TNFSF18: variants seen among roughly 807,000 people sequenced by gnomAD.
TNFSF18 encodes tumor necrosis factor ligand superfamily member 18.
In TNFSF18, 6 loss-of-function variants were observed where a neutral mutation model predicts 9.6. That is an observed-to-expected ratio of 0.63 (90% confidence interval 0.34 to 1.24). The LOEUF (loss-of-function observed/expected upper bound fraction) is 1.24. TNFSF18 is among the 50% of genes most tolerant of loss of function. The pLI is 0.03. For synonymous variants in TNFSF18, 68 were observed against 71.7 expected, an observed-to-expected ratio of 0.95 and a Z score of 0.26; for missense variants, 210 against 201.0, an observed-to-expected ratio of 1.04 and a Z score of -0.27.
At chr1:173,050,310 C>G (rs2101929228) in intron 1 of TNFSF18, among the ~76,000 whole-genome samples, 1 of 152,282 alleles carries the variant, frequency 6.6e-6, no homozygotes, top group Admixed American at 6.5e-5. Flanking sequence ...CAAAGACACA[C>G]AAACCACCTG....
intron 2 of TNFSF18, 81 bp from the exon 3 acceptor site, chr1:173,041,794 AT>A: frequency 2.3e-6 from 3 of 1,303,046 alleles, no homozygotes; most frequent in Non-Finnish European, 2.1e-6. Flanking sequence ...GTAGTTAATT[AT>A]TTACCACATA....
chr1:173,043,405 G>C lies in TNFSF18; in HGVS notation c.187+534C>G, dbSNP rs376451407. The stretch of plus-strand genomic sequence containing the variant: ...CTAAGGCTCAGTGTAACTGTAAACT[G>C]GTGTGTTTTCTAAGCAAATATCAGG... On this transcript the variant is annotated intron_variant, in intron 2 of 2. Transcript: ENST00000404377. 2.2e-4 allele frequency among the ~76,000 whole-genome samples: 34 copies of C among 152,232 alleles called. 1 individual carries two copies. The highest frequency in any genetic ancestry group is 7.9e-4 in the African/African-American group (33 of 41,570).
intron 1 of TNFSF18, 99 bp from the exon 2 acceptor site, chr1:173,044,068 G>A: frequency 8.9e-7 from 1 of 1,120,222 alleles, no homozygotes; most frequent in Admixed American, 1.7e-5. Flanking sequence ...AAGCAAACTA[G>A]TGTTCTATAA....
At chr1:173,045,585 G>GA (rs1039339474) in intron 1 of TNFSF18, among the ~76,000 whole-genome samples, 9 of 152,064 alleles carry the variant, frequency 5.9e-5, no homozygotes, top group Admixed American at 2.0e-4. Flanking sequence ...AGGGAGAGCA[G>GA]AAAAAAATGA....
Position 173,041,580 on chromosome 1 carries a change from G to A in TNFSF18, c.321C>T (p.Tyr107=), listed in dbSNP as rs1205163988. Residue 107 remains tyrosine (Y), a synonymous_variant, in exon 3 of 3, where the codon TAC becomes TAT. Transcript: ENST00000404377. ...GCACCTCAAAAGGAGCTACATCATT[G>A]TAGTTTGCATTGGGAGCCACTTGGC... is the stretch of plus-strand genomic sequence containing the variant. ...IYGQVAPNAN[Y]NDVAPFEVRL... 2 of 1,613,572 alleles carry A rather than the reference G, an allele frequency of 1.2e-6. No individual in the cohort carries two copies. Among genetic ancestry groups the A allele is most frequent in the Non-Finnish European group, 1.7e-6 (2 of 1,179,642 alleles).
rs999312070 is a variant in TNFSF18, at chr1:173,040,886, G to T, written c.*481C>A. The T allele has an allele frequency of 2.6e-5, 4 of 152,930 alleles. No individual in the cohort carries two copies. Among genetic ancestry groups the T allele is most frequent in the African/African-American group, 9.7e-5 (4 of 41,434 alleles). The allele number at this position is 152,930 out of a possible 1,614,324, so 9.5% of individuals were successfully genotyped here. On this transcript the variant is annotated 3_prime_UTR_variant, in exon 3 of 3. Coordinates refer to ENST00000404377, the MANE Select transcript of TNFSF18 (RefSeq NM_005092.4). ...CTAACACCACCATATCTAAAGTAGGGTATGGTAGGCATATCTGTGGCCATC... is the reference window on the plus strand; with the variant it reads ...CTAACACCACCATATCTAAAGTAGGTTATGGTAGGCATATCTGTGGCCATC...
chr1:173,040,501 T>C lies in TNFSF18; in HGVS notation c.*866A>G, dbSNP rs1664972061. ...AATTTTCCCCCAAATGCCTGCCCAA[T>C]TAACTTCATAGAATTGCTAACTGTT... On this transcript the variant is annotated 3_prime_UTR_variant, in exon 3 of 3. Coordinates refer to ENST00000404377, the MANE Select transcript of TNFSF18 (RefSeq NM_005092.4). 1 of 152,160 alleles carries C rather than the reference T, an allele frequency of 6.6e-6. No individual in the cohort carries two copies. The highest frequency in any genetic ancestry group is 2.1e-4 in the South Asian group (1 of 4,832). 9.4% of individuals were successfully genotyped at this position (152,160 alleles called of 1,614,324 possible).
chr1:173,042,541 T>G (rs1179338361), intron 2 of TNFSF18, among the ~76,000 whole-genome samples: 2 of 152,150 alleles, frequency 1.3e-5, no homozygotes, highest in African/African-American at 4.8e-5. Flanking sequence ...TGTAAATTTA[T>G]GAGTTTATAA....
At chr1:173,043,191 C>A (rs2101926402) in intron 2 of TNFSF18, among the ~76,000 whole-genome samples, 1 of 152,134 alleles carries the variant, frequency 6.6e-6, no homozygotes, top group South Asian at 2.1e-4. Flanking sequence ...AAGAGACAGG[C>A]AAAAGGACAT....
rs1664975548 is a variant in TNFSF18, at chr1:173,040,697, A to C, written c.*670T>G. On this transcript the variant is annotated 3_prime_UTR_variant, in exon 3 of 3. Coordinates refer to ENST00000404377, the MANE Select transcript of TNFSF18 (RefSeq NM_005092.4). ...ACACACACACCAACAGTAAGGTCTCACAAAGCTCTACGTGAGGGTTCGGAA... is the reference window on the plus strand; with the variant it reads ...ACACACACACCAACAGTAAGGTCTCCCAAAGCTCTACGTGAGGGTTCGGAA... 2 of 152,166 alleles carry C rather than the reference A, an allele frequency of 1.3e-5. No homozygotes were observed. Among genetic ancestry groups the C allele is most frequent in the African/African-American group, 2.4e-5 (1 of 41,450 alleles). 9.4% of individuals were successfully genotyped at this position (152,166 alleles called of 1,614,324 possible).
Position 173,041,481 on chromosome 1 carries a change from A to C in TNFSF18, c.420T>G (p.Tyr140Ter), listed in dbSNP as rs963523664. 1 of 1,613,612 alleles carries C rather than the reference A, an allele frequency of 6.2e-7. No homozygotes were observed. Among genetic ancestry groups the C allele is most frequent in the Non-Finnish European group, 8.5e-7 (1 of 1,179,630 alleles). ...KSKIQNVGGT[Y>*]ELHVGDTIDL... ...CTATGGTGTCCCCAACATGCAATTC[A>C]TAAGTCCCTCCTACATTTTGGATTT... The change falls in exon 3 of 3, where the codon TAT becomes TAG. Residue 140 changes from tyrosine to a stop codon, truncating the protein, a stop_gained. Transcript: ENST00000404377. LOFTEE classifies it low-confidence loss of function (END_TRUNC).
In TNFSF18 at chr1:173,041,560, T is replaced by G; in HGVS notation, c.341A>C (p.Glu114Ala). The G allele has an allele frequency of 1.2e-6, 2 of 1,613,552 alleles. No individual in the cohort carries two copies. The highest frequency in any genetic ancestry group is 1.7e-6 in the Non-Finnish European group (2 of 1,179,638). The part of the protein sequence containing the change: ...NANYNDVAPF[E>A]VRLYKNKDMI... ...GTCTTTGTTTTTATACAGCCGCACCTCAAAAGGAGCTACATCATTGTAGTT... is the reference window on the plus strand; with the variant it reads ...GTCTTTGTTTTTATACAGCCGCACCGCAAAAGGAGCTACATCATTGTAGTT... Residue 114 changes from glutamate (E) to alanine (A), a missense_variant, in exon 3 of 3, where the codon GAG becomes GCG. Physicochemically the swap from Glu to Ala is moderately radical, Grantham distance 107. Coordinates refer to ENST00000404377, the MANE Select transcript of TNFSF18 (RefSeq NM_005092.4).
intron 2 of TNFSF18, among the ~76,000 whole-genome samples, chr1:173,043,450 C>T (rs1665023738): frequency 6.6e-6 from 1 of 152,118 alleles, no homozygotes; most frequent in Non-Finnish European, 1.5e-5. Flanking sequence ...GGGAAAATGA[C>T]TCAGAAGCTA....
chr1:173,046,436 C>T (rs868730342), intron 1 of TNFSF18, among the ~76,000 whole-genome samples: 2 of 151,996 alleles, frequency 1.3e-5, no homozygotes, highest in African/African-American at 2.4e-5. Context: ...ATTTGTTTGT[C>T]GGGTAATTTT....
chr1:173,042,254 T>C (rs1207639609), intron 2 of TNFSF18, among the ~76,000 whole-genome samples: 1 of 152,196 alleles, frequency 6.6e-6, no homozygotes, highest in Non-Finnish European at 1.5e-5. Flanking sequence ...ATAAACTAAA[T>C]TGTTCATTTG....
chr1:173,043,246 A>G (rs1665020516), intron 2 of TNFSF18, among the ~76,000 whole-genome samples: 1 of 152,134 alleles, frequency 6.6e-6, no homozygotes. Flanking sequence ...TTTAAACTAT[A>G]TAGGAACACA....
rs781055787 is a variant in TNFSF18 at position 173,046,268 on chromosome 1, G to A, written c.157-2299C>T. 7.9e-5 allele frequency among the ~76,000 whole-genome samples: 12 copies of A among 152,208 alleles called. No homozygotes were observed. In the East Asian group the frequency reaches 1.5e-3, roughly 20 times the overall value. ...ATAATGAAGATAGAGAGAAGCAAGT[G>A]AGTGAGTTTATGCGAGGGAGGTGTT... On this transcript the variant is annotated intron_variant, in intron 1 of 2. Transcript: ENST00000404377.
intron 1 of TNFSF18, among the ~76,000 whole-genome samples, chr1:173,044,466 A>C (rs190603165): frequency 1.6e-4 from 24 of 152,314 alleles, no homozygotes; most frequent in Admixed American, 2.0e-4. Context: ...AGATAACTAC[A>C]TGTCATATAC....
rs762130391 is a variant in TNFSF18, at chr1:173,043,890, T to C, written c.187+49A>G. 2.6e-6 allele frequency: 4 copies of C among 1,525,768 alleles called. No individual in the cohort carries two copies. The Admixed American group carries it at 5.0e-5, about 19-fold the overall frequency. 94.5% of individuals were successfully genotyped at this position (1,525,768 alleles called of 1,614,324 possible). A position where few individuals can be genotyped will look rare whatever the true frequency, so the allele number is the denominator to read the frequency against. ...TTGAGATCACTGACACCTGCCTTCTTGCATCAAAAACTAAGAAAAGTAAAA... is the reference window on the plus strand; with the variant it reads ...TTGAGATCACTGACACCTGCCTTCTCGCATCAAAAACTAAGAAAAGTAAAA... On this transcript the variant is annotated intron_variant, in intron 2 of 2. Transcript: ENST00000404377.
Sources: gnomAD v4.1 joint callset for allele counts (sites outside exome capture counted in the v4.1 genomes callset) on GRCh38, gnomAD v4.1.1 for gene constraint, MANE v1.5 for transcripts, NCBI Gene and HGNC (gene_info 2026-07-23, HGNC 2026-07-21) for gene names.